Variants in ADAM32 observed in about 807,000 individuals in gnomAD.
ADAM32 encodes the protein disintegrin and metalloproteinase domain-containing protein 32.
Under a neutral mutation model 114.9 loss-of-function variants are expected in ADAM32, and 89 were observed. That is an observed-to-expected ratio of 0.77 (90% CI 0.65 to 0.92). The LOEUF is 0.92. ADAM32 is among the 40% of genes least tolerant of loss of function. ADAM32 has a pLI of 0.00. For missense variants in ADAM32, 870 were observed against 932.8 expected, an observed-to-expected ratio of 0.93 and a Z score of 0.88; for synonymous variants, 285 against 307.5, an observed-to-expected ratio of 0.93 and a Z score of 0.77.
At chr8:39,266,507 G>C (rs993468615) in intron 19 of ADAM32, among the ~76,000 whole-genome samples, 2 of 152,080 alleles carry the variant, frequency 1.3e-5, no homozygotes, top group Non-Finnish European at 2.9e-5. Flanking sequence ...CTCATTCCCA[G>C]AAGTTCAGTT....
intron 20 of ADAM32, among the ~76,000 whole-genome samples, chr8:39,271,502 A>G (rs1312997573): frequency 6.6e-6 from 1 of 151,272 alleles, no homozygotes; most frequent in Non-Finnish European, 1.5e-5. Context: ...GCCAACAGCC[A>G]AAGCAATCTA....
intron 1 of ADAM32, among the ~76,000 whole-genome samples, chr8:39,115,857 A>C (rs1840354265): frequency 6.6e-6 from 1 of 152,190 alleles, no homozygotes; most frequent in Non-Finnish European, 1.5e-5. Flanking sequence ...GTTTTCTTCT[A>C]AGGCATTTAT....
chr8:39,248,981 C>T (rs916457999), intron 17 of ADAM32, among the ~76,000 whole-genome samples: 2 of 151,030 alleles, frequency 1.3e-5, no homozygotes, highest in Admixed American at 6.6e-5. Flanking sequence ...CGGCTCACTG[C>T]AAGCTCTGCC....
At chr8:39,216,032 A>T (rs1269089686) in intron 12 of ADAM32, among the ~76,000 whole-genome samples, 1 of 152,022 alleles carries the variant, frequency 6.6e-6, no homozygotes, top group African/African-American at 2.4e-5. Flanking sequence ...ATTGGGGTCT[A>T]GCTCTCTCTT....
At chr8:39,171,918 A>G (rs933974840) in intron 10 of ADAM32, among the ~76,000 whole-genome samples, 9 of 151,444 alleles carry the variant, frequency 5.9e-5, no homozygotes, top group African/African-American at 1.7e-4. Context: ...ATGTAGTTGT[A>G]TATTTCTTAT....
chr8:39,244,547 G>T (rs1312424426), intron 16 of ADAM32, among the ~76,000 whole-genome samples: 7 of 152,164 alleles, frequency 4.6e-5, no homozygotes, highest in Non-Finnish European at 2.9e-5. Flanking sequence ...ATAAAGTGGG[G>T]AAAGGACACC....
At chr8:39,217,118 T>TA (rs397710026) in intron 12 of ADAM32, among the ~76,000 whole-genome samples, 255 of 68,658 alleles carry the variant, frequency 3.7e-3, no homozygotes, top group Middle Eastern at 0.016. Context: ...TATATATATA[T>TA]TTTTTTACCA....
chr8:39,130,956 C>CTTTT (rs71218310), intron 2 of ADAM32: 8,775 of 325,364 alleles, frequency 0.027, 29 homozygotes, highest in South Asian at 0.042. Flanking sequence ...AGGAGGATGT[C>CTTTT]TTTTTTTTTT....
intron 10 of ADAM32, among the ~76,000 whole-genome samples, chr8:39,186,102 C>T (rs545067260): frequency 1.4e-4 from 21 of 152,284 alleles, no homozygotes; most frequent in African/African-American, 3.1e-4. Context: ...TTTCTGATTC[C>T]GTTTGCATTT....
At chr8:39,160,037 A>G (rs148660561) in intron 6 of ADAM32, among the ~76,000 whole-genome samples, 53 of 152,202 alleles carry the variant, frequency 3.5e-4, no homozygotes, top group African/African-American at 1.2e-3. Context: ...ATTTGCTCTT[A>G]TCATCTGGCA....
intron 19 of ADAM32, among the ~76,000 whole-genome samples, chr8:39,259,952 ATG>A (rs1470042039): frequency 1.3e-5 from 2 of 152,206 alleles, no homozygotes; most frequent in South Asian, 2.1e-4. Context: ...GCATTCATTT[ATG>A]TGTGTGTATA....
chr8:39,189,548 T>C (rs1477301606), intron 11 of ADAM32, among the ~76,000 whole-genome samples: 1 of 152,188 alleles, frequency 6.6e-6, no homozygotes, highest in Non-Finnish European at 1.5e-5. Flanking sequence ...TGTATACGTG[T>C]GTGATGATCA....
chr8:39,175,765 T>G (rs1805486404), intron 10 of ADAM32, among the ~76,000 whole-genome samples: 1 of 152,178 alleles, frequency 6.6e-6, no homozygotes, highest in Non-Finnish European at 1.5e-5. Flanking sequence ...CCAGCTCTTC[T>G]TTCTACCTCT....
Position 39,223,030 on chromosome 8 carries a change from C to T in ADAM32, c.1327-10C>T, listed in dbSNP as rs2129448858. On this transcript the variant is annotated splice_polypyrimidine_tract_variant and intron_variant, in intron 13 of 24. Coordinates refer to ENST00000379907, the MANE Select transcript of ADAM32 (RefSeq NM_145004.7). ...TAATGCTTTATTTTTTATGTTCTAA[C>T]TTCTCTTAGATTTTACAATCAGGCG... 2 of 1,544,536 alleles carry T rather than the reference C, an allele frequency of 1.3e-6. No individual in the cohort carries two copies. Among genetic ancestry groups the T allele is most frequent in the Non-Finnish European group, 1.7e-6 (2 of 1,148,258 alleles).
intron 12 of ADAM32, among the ~76,000 whole-genome samples, chr8:39,219,689 T>G (rs750991995): frequency 1.3e-5 from 2 of 152,226 alleles, no homozygotes; most frequent in Non-Finnish European, 2.9e-5. Flanking sequence ...TTGGTGCCTC[T>G]TTCAGCAACA....
At chr8:39,260,609 T>G (rs1811961863) in intron 19 of ADAM32, among the ~76,000 whole-genome samples, 1 of 152,160 alleles carries the variant, frequency 6.6e-6, no homozygotes, top group African/African-American at 2.4e-5. Context: ...TCCCACTTGA[T>G]CATGGTGTAT....
chr8:39,154,927 C>G lies in ADAM32; in HGVS notation c.525+3379C>G, dbSNP rs368472924. On this transcript the variant is annotated intron_variant, in intron 6 of 24. Coordinates refer to ENST00000379907, the MANE Select transcript of ADAM32 (RefSeq NM_145004.7). The stretch of plus-strand genomic sequence containing the variant: ...AATTTGTTTAAGTTCTTTGTAGATT[C>G]TGGATATTAGTCCTTTGTCAGATGG... 2.0e-5 allele frequency among the ~76,000 whole-genome samples: 3 copies of G among 149,936 alleles called. No homozygotes were observed. The South Asian group carries it at 6.3e-4, about 31-fold the overall frequency.
chr8:39,272,873 T>C (rs6474126), intron 20 of ADAM32, among the ~76,000 whole-genome samples: 54,348 of 152,138 alleles, frequency 0.36, 12,058 homozygotes, highest in African/African-American at 0.63. Context: ...TGTAATAACA[T>C]TTAGCTCAAA....
intron 1 of ADAM32, among the ~76,000 whole-genome samples, chr8:39,116,842 T>C (rs1437012736): frequency 6.6e-6 from 1 of 152,216 alleles, no homozygotes; most frequent in Admixed American, 6.5e-5. Flanking sequence ...CTTTCAACTT[T>C]TCCCCATTCA....
Sources: gnomAD v4.1 joint callset for allele counts (sites outside exome capture counted in the v4.1 genomes callset) on GRCh38, gnomAD v4.1.1 for gene constraint, MANE v1.5 for transcripts, NCBI Gene and HGNC (gene_info 2026-07-23, HGNC 2026-07-21) for gene names.